The following DNAAF9 variants were observed in gnomAD, a reference collection of about 807,000 sequenced individuals.
DNAAF9 encodes the protein shulin.
DNAAF9 carries 90 observed loss-of-function variants against 167.0 expected under a neutral mutation model. The observed-to-expected ratio is 0.54, with a 90% CI of 0.45 to 0.64. The LOEUF (loss-of-function observed/expected upper bound fraction) is 0.64. Ranked by LOEUF, DNAAF9 falls within the 30% of genes least tolerant of loss-of-function variation. DNAAF9 has a pLI of 0.00. For missense variants in DNAAF9, 1,315 were observed against 1,442.2 expected (o/e 0.91, Z 1.43); for synonymous variants, 491 against 508.8 (o/e 0.96, Z 0.47).
At position 3,381,396 on chromosome 20, in the gene DNAAF9, G is replaced by T. The variant is rs1197060009; in HGVS notation, c.266C>A (p.Ser89Tyr). The T allele has an allele frequency of 6.2e-7, 1 of 1,611,512 alleles. No individual in the cohort carries two copies. Among genetic ancestry groups the T allele is most frequent in the South Asian group, 1.1e-5 (1 of 91,022 alleles). Residue 89 changes from serine (S) to tyrosine (Y), a missense_variant, in exon 3 of 37, where the codon TCT becomes TAT. Coordinates refer to ENST00000252032, the MANE Select transcript of DNAAF9 (RefSeq NM_001009984.3). ...NTSDFEKTGF[S>Y]EEVLDDVIIL... is the part of the protein sequence containing the mutation. ...ATACTTACCATCTAGTACTTCTTCA[G>T]AAAATCCCGTTTTCTCAAAATCACT...
intron 23 of DNAAF9, chr20:3,296,094 T>G: frequency 2.8e-6 from 2 of 705,996 alleles, no homozygotes; most frequent in Non-Finnish European, 5.3e-6. Context: ...TGAAGCTTGT[T>G]TGGATCAGGA....
At chr20:3,266,457 A>G (rs997000475) in intron 30 of DNAAF9, among the ~76,000 whole-genome samples, 2 of 152,116 alleles carry the variant, frequency 1.3e-5, no homozygotes, top group Non-Finnish European at 2.9e-5. Context: ...CAAAATGATT[A>G]TTTTCTAGTT....
intron 11 of DNAAF9, among the ~76,000 whole-genome samples, chr20:3,331,468 C>T (rs2069827906): frequency 6.6e-6 from 1 of 152,142 alleles, no homozygotes; most frequent in South Asian, 2.1e-4. Flanking sequence ...AGGTTCTTTT[C>T]CATGTGTCTT....
At chr20:3,296,805 A>G in intron 23 of DNAAF9, 56 bp downstream of exon 23, 1 of 1,101,424 alleles carries the variant, frequency 9.1e-7, no homozygotes, top group Non-Finnish European at 1.4e-6. Context: ...TCCTGCAGAG[A>G]GAGCACACCC....
At chr20:3,304,958 C>A (rs548281429) in intron 20 of DNAAF9, among the ~76,000 whole-genome samples, 1 of 152,126 alleles carries the variant, frequency 6.6e-6, no homozygotes, top group Non-Finnish European at 1.5e-5. Context: ...ACTTAGGGCC[C>A]GAGAAGGAGC....
intron 11 of DNAAF9, among the ~76,000 whole-genome samples, 173 bp from the exon 12 acceptor site, chr20:3,330,855 A>G (rs1435520685): frequency 6.7e-6 from 1 of 148,902 alleles, no homozygotes. Context: ...GCAGTGGCGT[A>G]ATCTCGGCTC....
intron 30 of DNAAF9, among the ~76,000 whole-genome samples, chr20:3,266,795 T>C (rs2068498194): frequency 6.6e-6 from 1 of 151,460 alleles, no homozygotes; most frequent in Non-Finnish European, 1.5e-5. Flanking sequence ...TCTAGTTCTA[T>C]CAAACCTTAT....
chr20:3,321,538 G>A (rs2069616011), intron 16 of DNAAF9, among the ~76,000 whole-genome samples: 1 of 152,134 alleles, frequency 6.6e-6, no homozygotes, highest in African/African-American at 2.4e-5. Flanking sequence ...TGTGGTACAG[G>A]ACTGTAGTTA....
At chr20:3,371,215 TTTTTAA>T (rs11471033) in intron 6 of DNAAF9, among the ~76,000 whole-genome samples, 28,666 of 151,778 alleles carry the variant, frequency 0.19, 2,883 homozygotes, top group African/African-American at 0.23. Context: ...TCCATCTCCC[TTTTTAA>T]TTTTGATTGC....
chr20:3,364,367 G>T (rs6107281), intron 6 of DNAAF9, among the ~76,000 whole-genome samples: 6,619 of 152,058 alleles, frequency 0.044, 406 homozygotes, highest in East Asian at 0.16. Context: ...CTTATGCTTT[G>T]TTCTGGAAAG....
intron 33 of DNAAF9, 99 bp from the exon 34 acceptor site, chr20:3,256,310 G>A (rs1424387092): frequency 2.3e-6 from 2 of 860,058 alleles, no homozygotes; most frequent in Middle Eastern, 5.4e-4. Flanking sequence ...AGATTCATGA[G>A]AAAATGCAAG....
intron 31 of DNAAF9, among the ~76,000 whole-genome samples, chr20:3,261,611 C>G (rs1309849721): frequency 6.6e-6 from 1 of 151,872 alleles, no homozygotes; most frequent in Non-Finnish European, 1.5e-5. Context: ...CGTGATCCAC[C>G]CACCTTGGCC....
chr20:3,335,986 G>A (rs1451848737), intron 10 of DNAAF9, among the ~76,000 whole-genome samples: 1 of 151,882 alleles, frequency 6.6e-6, no homozygotes, highest in African/African-American at 2.4e-5. Flanking sequence ...AGCCAGGCAT[G>A]GTGGTGCGCA....
chr20:3,303,612 G>A (rs1472059366), intron 21 of DNAAF9, among the ~76,000 whole-genome samples: 1 of 152,156 alleles, frequency 6.6e-6, no homozygotes, highest in Non-Finnish European at 1.5e-5. Context: ...AGCCTTTAAG[G>A]CTGCAGGCTC....
intron 1 of DNAAF9, among the ~76,000 whole-genome samples, chr20:3,390,653 C>T (rs2083814590): frequency 6.6e-6 from 1 of 152,156 alleles, no homozygotes; most frequent in South Asian, 2.1e-4. Flanking sequence ...GTGTGAGGTG[C>T]CACGCCTGGC....
chr20:3,370,154 A>C (rs1004801435), intron 6 of DNAAF9, among the ~76,000 whole-genome samples: 1 of 152,204 alleles, frequency 6.6e-6, no homozygotes, highest in Non-Finnish European at 1.5e-5. Context: ...TATATTCTAC[A>C]TGCCAAAATG....
At chr20:3,360,981 C>A (rs1332656215) in intron 6 of DNAAF9, among the ~76,000 whole-genome samples, 1 of 152,256 alleles carries the variant, frequency 6.6e-6, no homozygotes, top group East Asian at 1.9e-4. Context: ...AACGCATCAG[C>A]CAATGACAGC....
intron 31 of DNAAF9, 82 bp from the exon 32 acceptor site, chr20:3,260,110 C>T (rs1429495046): frequency 4.2e-6 from 3 of 712,372 alleles, no homozygotes; most frequent in Non-Finnish European, 7.5e-6. Context: ...GAGGCCGAGG[C>T]GGGTGGATCA....
intron 27 of DNAAF9, among the ~76,000 whole-genome samples, chr20:3,283,816 A>G (rs2068802945): frequency 6.6e-6 from 1 of 152,252 alleles, no homozygotes; most frequent in South Asian, 2.1e-4. Context: ...TTAGGGGAGC[A>G]AAGGACAACG....
Sources: allele counts gnomAD v4.1 joint callset (sites outside exome capture counted in the v4.1 genomes callset), GRCh38; gene constraint gnomAD v4.1.1; transcripts MANE v1.5; gene names NCBI Gene and HGNC (gene_info 2026-07-23, HGNC 2026-07-21).